Variants in LRRC31 observed in about 807,000 individuals in gnomAD.
LRRC31 encodes the protein leucine-rich repeat-containing protein 31.
Under a neutral mutation model 46.7 loss-of-function variants are expected in LRRC31, and 35 were observed. That is an observed-to-expected ratio of 0.75 (90% confidence interval 0.57 to 0.99). The LOEUF (loss-of-function observed/expected upper bound fraction) is 0.99, where lower values mean the gene tolerates loss of function less well. LRRC31 is among the 50% of genes least tolerant of loss of function. The pLI, the probability that LRRC31 is intolerant of heterozygous loss-of-function variation, is 0.00. For synonymous variants in LRRC31, 236 were observed against 235.1 expected (o/e 1.00, Z -0.03); for missense variants, 613 against 626.1 (o/e 0.98, Z 0.22).
chr3:169,846,928 T>C (rs1427731860), intron 8 of LRRC31, among the ~76,000 whole-genome samples: 2 of 152,204 alleles, frequency 1.3e-5, no homozygotes, highest in African/African-American at 2.4e-5. Flanking sequence ...TACTGAATAA[T>C]TCTTGCATAA....
intron 8 of LRRC31, 91 bp from the exon 9 acceptor site, chr3:169,840,404 G>C (rs993306307): frequency 2.3e-6 from 3 of 1,288,336 alleles, no homozygotes; most frequent in East Asian, 4.9e-5. Flanking sequence ...TCCAGGAATA[G>C]TAATGACAAG....
intron 8 of LRRC31, among the ~76,000 whole-genome samples, chr3:169,841,671 C>G (rs1042135491): frequency 2.0e-5 from 3 of 152,120 alleles, no homozygotes; most frequent in Middle Eastern, 3.2e-3. Context: ...CACCATGTAC[C>G]CATCATTCAA....
chr3:169,867,860 A>C (rs1170320374), intron 1 of LRRC31, among the ~76,000 whole-genome samples: 1 of 152,208 alleles, frequency 6.6e-6, no homozygotes, highest in Non-Finnish European at 1.5e-5. Context: ...CCTGTTCTGG[A>C]AATTTATACT....
chr3:169,862,436 C>A (rs544584849), intron 1 of LRRC31, among the ~76,000 whole-genome samples: 1 of 152,258 alleles, frequency 6.6e-6, no homozygotes, highest in East Asian at 1.9e-4. Flanking sequence ...TACTGTGGCA[C>A]CCTCACTAGC....
At chr3:169,852,437 A>G (rs1780816566) in intron 6 of LRRC31, among the ~76,000 whole-genome samples, 2 of 148,182 alleles carry the variant, frequency 1.3e-5, no homozygotes, top group Non-Finnish European at 3.0e-5. Context: ...AAAAACTCTT[A>G]GCCTTCTCTA....
chr3:169,853,192 C>T, intron 6 of LRRC31: 1 of 984,218 alleles, frequency 1.0e-6, no homozygotes, highest in Non-Finnish European at 1.2e-6. Context: ...TGGCACGGTG[C>T]CCCACACCAT....
At chr3:169,866,760 G>C (rs1378919297) in intron 1 of LRRC31, among the ~76,000 whole-genome samples, 1 of 152,086 alleles carries the variant, frequency 6.6e-6, no homozygotes, top group African/African-American at 2.4e-5. Flanking sequence ...AGGACTTCGA[G>C]ATCAGCCTGG....
chr3:169,865,110 A>G (rs927535789), intron 1 of LRRC31, among the ~76,000 whole-genome samples: 4 of 151,254 alleles, frequency 2.6e-5, no homozygotes, highest in Non-Finnish European at 4.4e-5. Context: ...AAATTAGCCC[A>G]GTGTAGTGGC....
In LRRC31 at chr3:169,869,295, C is replaced by T. The variant is rs563554598; in HGVS notation, c.175+338G>A. 7.2e-5 allele frequency among the ~76,000 whole-genome samples: 11 copies of T among 151,910 alleles called. 1 individual carries two copies. The highest frequency in any genetic ancestry group is 2.2e-4 in the African/African-American group (9 of 41,488). ...CTGAGGCAGGAGAATCGCTTGAACC[C>T]GGGAGGCAGAGGTTACTATGAGCTG... On this transcript the variant is annotated intron_variant, in intron 1 of 8. Transcript: ENST00000316428.
chr3:169,854,715 A>G, intron 6 of LRRC31, 98 bp downstream of exon 6: 1 of 922,760 alleles, frequency 1.1e-6, no homozygotes, highest in African/African-American at 1.6e-5. Flanking sequence ...AATAACTTCA[A>G]AAGAAGTAAA....
chr3:169,863,955 G>A (rs988530242), intron 1 of LRRC31, among the ~76,000 whole-genome samples: 2 of 152,038 alleles, frequency 1.3e-5, no homozygotes, highest in African/African-American at 4.8e-5. Flanking sequence ...TAATTAGGAA[G>A]AAGCAGAGCC....
intron 6 of LRRC31, among the ~76,000 whole-genome samples, chr3:169,854,127 G>A (rs182298717): frequency 6.0e-4 from 92 of 152,296 alleles, no homozygotes; most frequent in Middle Eastern, 3.4e-3. Flanking sequence ...GAGACCATTT[G>A]GGCTCTTGCA....
Position 169,851,629 on chromosome 3 carries a change from A to G in LRRC31, c.1149T>C (p.Phe383=). 5 of 1,613,730 alleles carry G rather than the reference A, an allele frequency of 3.1e-6. No individual in the cohort carries two copies. Among genetic ancestry groups the G allele is most frequent in the Non-Finnish European group, 4.2e-6 (5 of 1,179,868 alleles). Residue 383 remains phenylalanine (F), a synonymous_variant, in exon 7 of 9, where the codon TTT becomes TTC. Transcript: ENST00000316428. ...INNCALESET[F]TALAEASVHL... ...TGGGAAATCTCTTACCAAGAGCTGT[A>G]AAAGTCTCACTCTCCAAAGCACAGT...
In LRRC31 at chr3:169,839,890, GA is replaced by G. The variant is rs1780394091; in HGVS notation, c.*91del. 1.2e-6 allele frequency: 1 copy of G among 869,460 alleles called. No homozygotes were observed. The highest frequency in any genetic ancestry group is 1.8e-6 in the Non-Finnish European group (1 of 564,518). 53.9% of individuals were successfully genotyped at this position (869,460 alleles called of 1,614,324 possible). On this transcript the variant is annotated 3_prime_UTR_variant, in exon 9 of 9. Coordinates refer to ENST00000316428, the MANE Select transcript of LRRC31 (RefSeq NM_024727.4). ...AATATAAGTCCCATTAAATGGCCCA[GA>G]AGTTGAAATTCAGTTCATGACTCTG...
chr3:169,859,168 TCCTGTAATCC>T (rs1781066196), intron 3 of LRRC31, among the ~76,000 whole-genome samples: 1 of 129,762 alleles, frequency 7.7e-6, no homozygotes, highest in African/African-American at 2.9e-5. Context: ...GGTGGTGCAC[TCCTGTAATCC>T]CAGCTACTTG....
chr3:169,861,971 TTAAC>T lies in LRRC31; in HGVS notation c.176-162_176-159del, dbSNP rs548173538. Among the ~76,000 whole-genome samples, 25 of 152,326 alleles carry T rather than the reference TTAAC, an allele frequency of 1.6e-4. No individual in the cohort carries two copies. In the South Asian group the frequency reaches 4.3e-3, roughly 26 times the overall value. On this transcript the variant is annotated intron_variant, in intron 1 of 8. Transcript: ENST00000316428. ...CAGAGCCATTTACTAGGGACAAAGC[TTAAC>T]TAACCACTGTTCCTGCCGCCAGGTG...
rs555732584 is a variant in LRRC31 at position 169,861,386 on chromosome 3, A to G, written c.319+284T>C. On this transcript the variant is annotated intron_variant, in intron 2 of 8. Coordinates refer to ENST00000316428, the MANE Select transcript of LRRC31 (RefSeq NM_024727.4). ...CTGGCCTTTTTCTTAAAAAAAAAAG[A>G]AAAAAGAAAAAAGAAAAAACCTACT... is the stretch of plus-strand genomic sequence containing the variant. 3.1e-5 allele frequency among the ~76,000 whole-genome samples: 4 copies of G among 127,092 alleles called. No individual in the cohort carries two copies. In the South Asian group the frequency reaches 1.0e-3, roughly 32 times the overall value. 83.4% of individuals were successfully genotyped at this position (127,092 alleles called of 152,430 possible).
At chr3:169,855,430 G>A (rs9882751) in intron 5 of LRRC31, among the ~76,000 whole-genome samples, 3,155 of 152,214 alleles carry the variant, frequency 0.021, 79 homozygotes, top group South Asian at 0.11. Context: ...TCACACACAC[G>A]CTTCCTAAGA....
intron 3 of LRRC31, among the ~76,000 whole-genome samples, chr3:169,858,212 A>G (rs1362654610): frequency 6.6e-6 from 1 of 152,214 alleles, no homozygotes; most frequent in African/African-American, 2.4e-5. Context: ...GAGAGGATGC[A>G]GAAGTCCTTC....
Sources: allele counts gnomAD v4.1 joint callset (sites outside exome capture counted in the v4.1 genomes callset), GRCh38; gene constraint gnomAD v4.1.1; transcripts MANE v1.5; gene names NCBI Gene and HGNC (gene_info 2026-07-23, HGNC 2026-07-21).